CAST: variants seen among roughly 807,000 people sequenced by gnomAD.
CAST encodes MIR583 host.
A neutral mutation model predicts 119.6 loss-of-function variants in CAST; 76 were observed. That is an observed-to-expected ratio of 0.64 (90% CI 0.53 to 0.77). The LOEUF (loss-of-function observed/expected upper bound fraction) is 0.77, where lower values mean the gene tolerates loss of function less well. Among genes scored for constraint, CAST ranks in the 30% least tolerant of loss-of-function variants. The pLI is 0.00. For missense variants in CAST, 953 were observed against 946.5 expected, an observed-to-expected ratio of 1.01 and a Z score of -0.09; for synonymous variants, 319 against 331.6, an observed-to-expected ratio of 0.96 and a Z score of 0.41.
the CAST span, among the ~76,000 whole-genome samples, chr5:96,445,750 G>T: frequency 1.3e-5 from 2 of 152,068 alleles, no homozygotes. Context: ...TTTGATGCTG[G>T]GTTCTGAACA....
intron 1 of CAST, among the ~76,000 whole-genome samples, chr5:96,534,093 G>T (rs567861262): frequency 6.6e-5 from 10 of 152,264 alleles, no homozygotes; most frequent in South Asian, 2.1e-4. Flanking sequence ...AACCTGACAG[G>T]TTCCTAATAC....
intron 1 of CAST, among the ~76,000 whole-genome samples, chr5:96,608,178 A>T (rs1561428852): frequency 6.6e-6 from 1 of 152,132 alleles, no homozygotes; most frequent in Non-Finnish European, 1.5e-5. Flanking sequence ...GATTCCACAT[A>T]TGAGTGAGAT....
At chr5:96,686,224 A>G (rs17399347) in intron 2 of CAST, among the ~76,000 whole-genome samples, 8,676 of 152,024 alleles carry the variant, frequency 0.057, 365 homozygotes, top group Non-Finnish European at 0.088. Context: ...TATTAGCTCA[A>G]TCTTCATCAT....
chr5:96,756,279 C>G (rs923756467), intron 22 of CAST, among the ~76,000 whole-genome samples: 1 of 152,078 alleles, frequency 6.6e-6, no homozygotes, highest in Admixed American at 6.6e-5. Flanking sequence ...CAAAAGTGCT[C>G]CCAGAGTCCC....
chr5:96,372,594 C>T, the CAST span, among the ~76,000 whole-genome samples: 2 of 152,164 alleles, frequency 1.3e-5, no homozygotes, highest in African/African-American at 2.4e-5. Context: ...CAAGCCTGAT[C>T]CCAGAGTTGA....
At chr5:96,725,797 G>C (rs1442670411) in intron 4 of CAST, among the ~76,000 whole-genome samples, 1 of 152,082 alleles carries the variant, frequency 6.6e-6, no homozygotes, top group Non-Finnish European at 1.5e-5. Context: ...TATTTTCCTT[G>C]TTAATCATTT....
chr5:96,180,622 A>G, the CAST span, among the ~76,000 whole-genome samples: 12 of 152,364 alleles, frequency 7.9e-5, no homozygotes, highest in South Asian at 2.5e-3. Context: ...AAATAAGAAC[A>G]GAAAGGGAAA....
chr5:96,673,405 A>G (rs1390793512), intron 1 of CAST, among the ~76,000 whole-genome samples: 1 of 152,244 alleles, frequency 6.6e-6, no homozygotes, highest in East Asian at 1.9e-4. Context: ...CAGCATGAGC[A>G]GCAAGCTTTT....
chr5:96,466,567 G>T, the CAST span, among the ~76,000 whole-genome samples: 1,335 of 144,646 alleles, frequency 9.2e-3, 25 homozygotes, highest in African/African-American at 0.035. Context: ...TTTTGTGTTT[G>T]TGTGGGGTTT....
At chr5:96,378,476 T>C in the CAST span, among the ~76,000 whole-genome samples, 1 of 152,166 alleles carries the variant, frequency 6.6e-6, no homozygotes, top group Non-Finnish European at 1.5e-5. Context: ...AGTTTTGATT[T>C]GTCAATTATA....
chr5:96,744,519 G>A (rs949720155), intron 16 of CAST, among the ~76,000 whole-genome samples: 18 of 152,278 alleles, frequency 1.2e-4, no homozygotes, highest in Admixed American at 2.6e-4. Flanking sequence ...TCCCTCCCAC[G>A]ACACGTGGGA....
intron 1 of CAST, among the ~76,000 whole-genome samples, chr5:96,537,684 A>G (rs949436370): frequency 2.6e-5 from 4 of 152,222 alleles, no homozygotes; most frequent in African/African-American, 9.6e-5. Flanking sequence ...TTGAAGCGGC[A>G]GAAAAACAAA....
At chr5:96,007,516 G>T in the CAST span, among the ~76,000 whole-genome samples, 5 of 152,268 alleles carry the variant, frequency 3.3e-5, no homozygotes, top group South Asian at 1.0e-3. Flanking sequence ...CAATGTGATG[G>T]TATCTAGAGG....
At chr5:96,266,496 A>G in the CAST span, among the ~76,000 whole-genome samples, 11 of 152,346 alleles carry the variant, frequency 7.2e-5, no homozygotes, top group African/African-American at 2.6e-4. Flanking sequence ...AGGAGACACC[A>G]AATCAGAGTG....
the CAST span, among the ~76,000 whole-genome samples, chr5:96,519,374 T>A: frequency 1.3e-5 from 2 of 152,210 alleles, no homozygotes; most frequent in Non-Finnish European, 2.9e-5. Flanking sequence ...GTCCACCATA[T>A]CTAACCCAAT....
chr5:96,053,369 A>G, the CAST span, among the ~76,000 whole-genome samples: 5 of 152,272 alleles, frequency 3.3e-5, no homozygotes, highest in East Asian at 5.8e-4. Flanking sequence ...TGCATTACCT[A>G]TAATTTGATT....
At chr5:96,412,562 T>C in the CAST span, 1 of 1,331,528 alleles carries the variant, frequency 7.5e-7, no homozygotes. Flanking sequence ...CCCAATACTC[T>C]TACTATTTGT....
intron 9 of CAST, among the ~76,000 whole-genome samples, chr5:96,732,905 G>A (rs1760852013): frequency 5.3e-5 from 8 of 152,142 alleles, no homozygotes; most frequent in Admixed American, 5.2e-4. Flanking sequence ...ATGAGAAGAT[G>A]GGAATGAAAA....
chr5:96,463,536 C>T, the CAST span, among the ~76,000 whole-genome samples: 4 of 152,076 alleles, frequency 2.6e-5, no homozygotes, highest in East Asian at 5.8e-4. Flanking sequence ...AGGACATAAA[C>T]ACAATACTAA....
Sources: gnomAD v4.1 joint callset for allele counts (sites outside exome capture counted in the v4.1 genomes callset) on GRCh38, gnomAD v4.1.1 for gene constraint, MANE v1.5 for transcripts, NCBI Gene and HGNC (gene_info 2026-07-23, HGNC 2026-07-21) for gene names.